The following PTPRN2 variants were observed in gnomAD, a reference collection of about 807,000 sequenced individuals.
PTPRN2 encodes the protein protein tyrosine phosphatase receptor type N2.
In PTPRN2, 74 loss-of-function variants were observed where a neutral mutation model predicts 118.8. That is an observed-to-expected ratio of 0.62 (90% CI 0.52 to 0.76). The LOEUF is 0.76. Ranked by LOEUF, PTPRN2 falls within the 30% of genes least tolerant of loss-of-function variation. The pLI is 0.00. For synonymous variants in PTPRN2, 641 were observed against 608.0 expected, an observed-to-expected ratio of 1.05 and a Z score of -0.80; for missense variants, 1,481 against 1,394.4, an observed-to-expected ratio of 1.06 and a Z score of -0.99.
At chr7:157,892,959 A>G (rs1796887809) in intron 12 of PTPRN2, among the ~76,000 whole-genome samples, 1 of 152,228 alleles carries the variant, frequency 6.6e-6, no homozygotes, top group Admixed American at 6.5e-5. Flanking sequence ...TTGGGGCAAC[A>G]GGAGACACAG....
intron 11 of PTPRN2, among the ~76,000 whole-genome samples, chr7:158,071,769 ATGGAGGTGCTTGTGGTGG>A (rs1390845050): frequency 2.7e-4 from 12 of 44,810 alleles, no homozygotes; most frequent in African/African-American, 2.0e-3. Context: ...GCTCGTGGTG[ATGGAGGTGCTTGTGGTGG>A]TGGAGGTGCT....
chr7:158,387,550 A>T (rs1811546364), intron 2 of PTPRN2, among the ~76,000 whole-genome samples: 2 of 152,416 alleles, frequency 1.3e-5, no homozygotes, highest in Non-Finnish European at 1.5e-5. Context: ...ACTGGACTCC[A>T]GGGGGCTGCG....
intron 2 of PTPRN2, among the ~76,000 whole-genome samples, chr7:158,415,028 GATACAACCAGCTACTTCTCTGA>G (rs1814536398): frequency 4.2e-5 from 1 of 23,876 alleles, no homozygotes; most frequent in Admixed American, 5.9e-4. Context: ...CTTTCCTGAT[GATACAACCAGCTACTTCTCTGA>G]TGATACAACC....
chr7:157,959,746 G>A (rs1801403750), intron 11 of PTPRN2, among the ~76,000 whole-genome samples: 1 of 152,166 alleles, frequency 6.6e-6, no homozygotes, highest in Non-Finnish European at 1.5e-5. Flanking sequence ...AATGTAAAAT[G>A]GTTCAGCCAC....
chr7:158,174,099 A>G (rs1823965065), intron 5 of PTPRN2, among the ~76,000 whole-genome samples: 1 of 152,232 alleles, frequency 6.6e-6, no homozygotes, highest in African/African-American at 2.4e-5. Flanking sequence ...GAAATGATAA[A>G]TGTCCATGAA....
chr7:158,168,972 C>A (rs58266447), intron 5 of PTPRN2, among the ~76,000 whole-genome samples: 2,668 of 152,296 alleles, frequency 0.018, 72 homozygotes, highest in African/African-American at 0.061. Context: ...TCCCTGGAGG[C>A]GTGCATGGGT....
intron 11 of PTPRN2, among the ~76,000 whole-genome samples, chr7:158,044,065 C>T (rs1393315727): frequency 2.6e-5 from 4 of 152,208 alleles, no homozygotes; most frequent in Non-Finnish European, 5.9e-5. Flanking sequence ...TCCTGCCACA[C>T]ATGATTTTCA....
intron 12 of PTPRN2, among the ~76,000 whole-genome samples, chr7:157,700,484 T>C (rs1462588161): frequency 1.3e-5 from 2 of 152,206 alleles, no homozygotes; most frequent in Non-Finnish European, 2.9e-5. Context: ...TGAGGCTTCC[T>C]TGTCTTTTGT....
chr7:158,157,706 A>G (rs1359529278), intron 6 of PTPRN2, among the ~76,000 whole-genome samples: 1 of 152,178 alleles, frequency 6.6e-6, no homozygotes, highest in African/African-American at 2.4e-5. Flanking sequence ...CTCAAGGTGC[A>G]GTGAGACGAA....
At chr7:158,107,511 C>A (rs1051620345) in intron 10 of PTPRN2, among the ~76,000 whole-genome samples, 1 of 152,114 alleles carries the variant, frequency 6.6e-6, no homozygotes, top group Non-Finnish European at 1.5e-5. Flanking sequence ...ACTCTGGGAA[C>A]AACAGGCCCT....
chr7:158,007,000 G>C (rs919939088), intron 11 of PTPRN2, among the ~76,000 whole-genome samples: 5 of 152,134 alleles, frequency 3.3e-5, no homozygotes, highest in Non-Finnish European at 7.4e-5. Context: ...TCACAGTTCT[G>C]GGGGCTGAAG....
chr7:157,719,576 G>A (rs1419863955), intron 12 of PTPRN2, among the ~76,000 whole-genome samples: 1 of 152,232 alleles, frequency 6.6e-6, no homozygotes, highest in Non-Finnish European at 1.5e-5. Flanking sequence ...AGCTCCAGCT[G>A]GCATGAAGGC....
intron 12 of PTPRN2, among the ~76,000 whole-genome samples, chr7:157,843,996 G>C (rs1017512284): frequency 1.4e-4 from 21 of 152,212 alleles, no homozygotes; most frequent in Non-Finnish European, 3.1e-4. Context: ...AAGGTGCAGA[G>C]AAAGACTCTG....
intron 11 of PTPRN2, among the ~76,000 whole-genome samples, chr7:157,923,549 G>A (rs573337146): frequency 2.6e-5 from 4 of 152,150 alleles, no homozygotes; most frequent in Admixed American, 6.5e-5. Context: ...AGACAGGCCC[G>A]AGACCTCCTT....
At chr7:158,326,777 ACACTCACATG>A (rs1803587499) in intron 2 of PTPRN2, among the ~76,000 whole-genome samples, 2 of 128,220 alleles carry the variant, frequency 1.6e-5, no homozygotes, top group African/African-American at 5.7e-5. Context: ...ACATGCTCAC[ACACTCACATG>A]CACACACATG....
intron 2 of PTPRN2, among the ~76,000 whole-genome samples, chr7:158,483,969 C>T (rs1477858481): frequency 6.6e-6 from 1 of 151,886 alleles, no homozygotes; most frequent in Non-Finnish European, 1.5e-5. Context: ...GAGACTCCAT[C>T]ACTGCAAAAA....
Position 157,784,083 on chromosome 7 carries a change from A to G in PTPRN2, c.1789-101146T>C, listed in dbSNP as rs927764415. Among the ~76,000 whole-genome samples the G allele has an allele frequency of 1.3e-5, 2 of 152,170 alleles. No homozygotes were observed. The highest frequency in any genetic ancestry group is 4.8e-5 in the African/African-American group (2 of 41,452). On this transcript the variant is annotated intron_variant, in intron 12 of 22. Coordinates refer to ENST00000389418, the MANE Select transcript of PTPRN2 (RefSeq NM_002847.5). This position sits in a 1 kb window ranked among gnomAD's most constrained non-coding sequence, Gnocchi z 4.6. Reference sequence around the variant, plus strand: ...ACTCATGGTGTAAGTGCAGAGGAGGAGAAGGAAGCTGGGATGGGTGTGTTT... The same window carrying G: ...ACTCATGGTGTAAGTGCAGAGGAGGGGAAGGAAGCTGGGATGGGTGTGTTT...
rs995335808 is a variant in PTPRN2, at chr7:157,600,919, G to C, written c.2418+3083C>G. Among the ~76,000 whole-genome samples the C allele has an allele frequency of 2.0e-5, 3 of 152,164 alleles. No individual in the cohort carries two copies. In the East Asian group the frequency reaches 5.8e-4, roughly 29 times the overall value. ...TGAAAAGCCACTCTGTCCCTACATA[G>C]TTAAATGCATTCTGAATTAAAACTT... On this transcript the variant is annotated intron_variant, in intron 16 of 22. Coordinates refer to ENST00000389418, the MANE Select transcript of PTPRN2 (RefSeq NM_002847.5).
intron 12 of PTPRN2, among the ~76,000 whole-genome samples, chr7:157,837,665 G>A (rs1033366243): frequency 6.6e-6 from 1 of 152,160 alleles, no homozygotes; most frequent in Non-Finnish European, 1.5e-5. Flanking sequence ...GGTGCATCCA[G>A]CCCCCGCAGG....
Sources: allele counts gnomAD v4.1 joint callset (sites outside exome capture counted in the v4.1 genomes callset), GRCh38; gene constraint gnomAD v4.1.1; non-coding constraint Gnocchi (gnomAD v3.1); transcripts MANE v1.5; gene names NCBI Gene and HGNC (gene_info 2026-07-23, HGNC 2026-07-21).